The following C9orf153 variants were observed in gnomAD, a reference collection of about 807,000 sequenced individuals.
C9orf153 encodes the protein uncharacterized protein C9orf153.
In C9orf153, 10 loss-of-function variants were observed where a neutral mutation model predicts 9.0. The ratio of observed to expected loss-of-function variants is 1.11; its 90% confidence interval spans 0.69 to 1.89. The LOEUF (loss-of-function observed/expected upper bound fraction) is 1.89. Among genes scored for constraint, C9orf153 ranks in the 40% most tolerant of loss-of-function variants. The pLI is 0.00. For missense variants in C9orf153, 108 were observed against 111.0 expected (o/e 0.97, Z 0.12); for synonymous variants, 35 against 37.3 (o/e 0.94, Z 0.23).
chr9:86,254,603 T>C (rs1046451612), intron 1 of C9orf153, among the ~76,000 whole-genome samples: 2 of 152,244 alleles, frequency 1.3e-5, no homozygotes, highest in Admixed American at 6.5e-5. Flanking sequence ...AGTTTATAGA[T>C]AGACCACTTC....
chr9:86,245,880 G>A (rs1056758105), intron 1 of C9orf153, among the ~76,000 whole-genome samples: 11 of 152,204 alleles, frequency 7.2e-5, no homozygotes, highest in African/African-American at 2.7e-4. Context: ...TTTCCTGTGA[G>A]TGAGAGGAGA....
At chr9:86,233,001 G>T (rs545806483) in intron 1 of C9orf153, among the ~76,000 whole-genome samples, 1 of 152,206 alleles carries the variant, frequency 6.6e-6, no homozygotes, top group East Asian at 1.9e-4. Context: ...CCAAAGTGCT[G>T]GGATTACAAG....
At chr9:86,227,508 C>T (rs1254934738) in intron 3 of C9orf153, 2 of 1,370,174 alleles carry the variant, frequency 1.5e-6, no homozygotes, top group Non-Finnish European at 9.4e-7. Flanking sequence ...GATTTCCATT[C>T]CTTTTCTCCC....
intron 3 of C9orf153, among the ~76,000 whole-genome samples, chr9:86,225,562 G>A (rs1824310952): frequency 6.6e-6 from 1 of 151,838 alleles, no homozygotes; most frequent in Admixed American, 6.6e-5. Flanking sequence ...GGGTTCAAGC[G>A]ATTCTCCTGC....
At chr9:86,230,552 C>T (rs566699464) in intron 1 of C9orf153, among the ~76,000 whole-genome samples, 4 of 152,308 alleles carry the variant, frequency 2.6e-5, no homozygotes, top group South Asian at 2.1e-4. Context: ...CCACCCACCT[C>T]GGCCTCCCAA....
intron 1 of C9orf153, among the ~76,000 whole-genome samples, chr9:86,233,592 T>G (rs1202645196): frequency 6.6e-6 from 1 of 152,006 alleles, no homozygotes; most frequent in Non-Finnish European, 1.5e-5. Context: ...AATTTTTGTA[T>G]TTTTGGTAGA....
intron 1 of C9orf153, among the ~76,000 whole-genome samples, chr9:86,253,660 T>C (rs945745409): frequency 4.6e-5 from 7 of 152,208 alleles, no homozygotes; most frequent in African/African-American, 1.7e-4. Context: ...AGTGGCACGA[T>C]CATGGCTCAC....
chr9:86,250,306 A>G (rs1016116185), intron 1 of C9orf153, among the ~76,000 whole-genome samples: 2 of 152,176 alleles, frequency 1.3e-5, no homozygotes, highest in African/African-American at 4.8e-5. Context: ...TTCTTTGGCA[A>G]ATCTGGACTC....
intron 1 of C9orf153, among the ~76,000 whole-genome samples, chr9:86,238,546 C>T (rs531706937): frequency 2.0e-5 from 3 of 152,128 alleles, no homozygotes; most frequent in Admixed American, 6.6e-5. Context: ...ATAGTGAAGG[C>T]TTATATATTC....
chr9:86,253,230 T>C (rs1264263982), intron 1 of C9orf153, among the ~76,000 whole-genome samples: 2 of 152,246 alleles, frequency 1.3e-5, no homozygotes, highest in Admixed American at 1.3e-4. Flanking sequence ...ATTTTGGATA[T>C]GAGCAGACTG....
intron 1 of C9orf153, among the ~76,000 whole-genome samples, chr9:86,229,924 G>A (rs1046029703): frequency 7.2e-5 from 11 of 152,044 alleles, no homozygotes; most frequent in African/African-American, 1.2e-4. Flanking sequence ...AGCAGGGCAC[G>A]TCTTACATGG....
At chr9:86,246,761 C>T (rs947968353) in intron 1 of C9orf153, among the ~76,000 whole-genome samples, 3 of 152,148 alleles carry the variant, frequency 2.0e-5, no homozygotes, top group South Asian at 2.1e-4. Context: ...TCTGGATGGC[C>T]GTCTCCAAGT....
intron 1 of C9orf153, among the ~76,000 whole-genome samples, chr9:86,234,520 A>G (rs1342092025): frequency 2.0e-5 from 3 of 152,224 alleles, no homozygotes; most frequent in Admixed American, 2.0e-4. Context: ...ACATAGAAGA[A>G]TGACATTAGA....
chr9:86,228,156 T>G (rs1824384685), intron 2 of C9orf153, 126 bp from the exon 3 acceptor site: 1 of 704,818 alleles, frequency 1.4e-6, no homozygotes, highest in Admixed American at 3.2e-5. Flanking sequence ...ATTTTTATCT[T>G]TGGAAGATAT....
In C9orf153 at chr9:86,229,593, G is replaced by A. The variant is rs1471061477; in HGVS notation, c.11C>T (p.Thr4Ile). 1 of 1,611,682 alleles carries A rather than the reference G, an allele frequency of 6.2e-7. No individual in the cohort carries two copies. Among genetic ancestry groups the A allele is most frequent in the Admixed American group, 1.7e-5 (1 of 59,954 alleles). MFLTGDTSPAEDNR... is the reference protein window; with the variant it reads MFLIGDTSPAEDNR... ...GTCCTCAGCTGGACTGGTGTCTCCA[G>A]TGAGGAACATCGTGCTGGGATTTTA... Residue 4 changes from threonine to isoleucine, a missense_variant, in exon 2 of 4, where the codon ACT (threonine) becomes ATT (isoleucine). Coordinates refer to ENST00000339137, the MANE Select transcript of C9orf153 (RefSeq NM_001276366.4).
intron 3 of C9orf153, among the ~76,000 whole-genome samples, 195 bp from the exon 4 acceptor site, chr9:86,221,928 C>A (rs1189661444): frequency 2.6e-5 from 4 of 152,040 alleles, no homozygotes; most frequent in Non-Finnish European, 5.9e-5. Flanking sequence ...TCTTGTTGCC[C>A]AGGCTGGAGT....
Position 86,227,867 on chromosome 9 carries a change from T to G in C9orf153, c.230A>C (p.Gln77Pro). Residue 77 changes from glutamine to proline, a missense_variant, in exon 3 of 4, where the codon CAA (glutamine) becomes CCA (proline). By Grantham distance (76) the Gln-to-Pro change is moderately conservative (BLOSUM62 -1). Transcript: ENST00000339137. The stretch of plus-strand genomic sequence containing the variant: ...AACCACTGTGCACCTGATAACAGGT[T>G]GGAGATCTCCTCTCACATCAGCGCC... ...TRGADVRGDL[Q>P]PVIRKTIHES... is the part of the protein sequence containing the mutation. The G allele has an allele frequency of 3.1e-6, 5 of 1,611,928 alleles. No homozygotes were observed. The highest frequency in any genetic ancestry group is 3.3e-4 in the Middle Eastern group (2 of 6,048).
At chr9:86,237,977 C>T (rs771525443) in intron 1 of C9orf153, among the ~76,000 whole-genome samples, 6 of 151,896 alleles carry the variant, frequency 4.0e-5, no homozygotes, top group African/African-American at 9.7e-5. Flanking sequence ...CCCAGCTACT[C>T]GGGAGGCTGA....
At chr9:86,225,435 TTCC>T (rs1209254775) in intron 3 of C9orf153, among the ~76,000 whole-genome samples, 5 of 91,242 alleles carry the variant, frequency 5.5e-5, no homozygotes, top group African/African-American at 2.6e-4. Flanking sequence ...CCTTCCTTCC[TTCC>T]TTCCTTCCTC....
Sources: gnomAD v4.1 joint callset for allele counts (sites outside exome capture counted in the v4.1 genomes callset) on GRCh38, gnomAD v4.1.1 for gene constraint, MANE v1.5 for transcripts, NCBI Gene and HGNC (gene_info 2026-07-23, HGNC 2026-07-21) for gene names.